The following TBC1D9 variants were observed in gnomAD, a reference collection of about 807,000 sequenced individuals.
TBC1D9 encodes the protein TBC1 domain family member 9A.
In TBC1D9, 63 loss-of-function variants were observed where a neutral mutation model predicts 132.0. The ratio of observed to expected loss-of-function variants is 0.48; its 90% CI spans 0.39 to 0.59. The LOEUF (loss-of-function observed/expected upper bound fraction) is 0.59, where lower values mean the gene tolerates loss of function less well. TBC1D9 is among the 20% of genes least tolerant of loss of function. The pLI, the probability that TBC1D9 is intolerant of heterozygous loss-of-function variation, is 0.00. For missense variants in TBC1D9, 1,261 were observed against 1,592.7 expected, an observed-to-expected ratio of 0.79 and a Z score of 3.54; for synonymous variants, 610 against 609.9, an observed-to-expected ratio of 1.00 and a Z score of 0.00.
rs532657449 is a variant in TBC1D9, at chr4:140,713,161, C to T, written c.131-11547G>A. ...TTACGTTGCCCAGGCTGGTCTACAA[C>T]TCCTGGGCTCAAGGGATCCTCCCAC... On this transcript the variant is annotated intron_variant, in intron 1 of 20. Transcript: ENST00000442267. Among the ~76,000 whole-genome samples, 221 of 152,260 alleles carry T rather than the reference C, an allele frequency of 1.5e-3. 3 individuals carry two copies. Among genetic ancestry groups the T allele is most frequent in the Admixed American group, 2.6e-3 (40 of 15,300 alleles).
At chr4:140,717,678 GAACACAGATCAGGGA>G (rs1238949602) in intron 1 of TBC1D9, among the ~76,000 whole-genome samples, 1 of 152,168 alleles carries the variant, frequency 6.6e-6, no homozygotes, top group Non-Finnish European at 1.5e-5. Flanking sequence ...ATGAAATCTA[GAACACAGATCAGGGA>G]AACAGATTCT....
chr4:140,698,746 G>A (rs7693177), intron 2 of TBC1D9, among the ~76,000 whole-genome samples: 3 of 150,464 alleles, frequency 2.0e-5, no homozygotes, highest in East Asian at 2.0e-4. Flanking sequence ...TCGGGGGTGG[G>A]GGGGGGAAAG....
chr4:140,656,968 C>T, intron 13 of TBC1D9, 129 bp downstream of exon 13: 1 of 1,240,656 alleles, frequency 8.1e-7, no homozygotes, highest in Non-Finnish European at 1.1e-6. Context: ...GTCCCAAAGT[C>T]TAGAACTGAG....
chr4:140,704,435 GAAAAA>G (rs11317574), intron 1 of TBC1D9, among the ~76,000 whole-genome samples: 1 of 113,402 alleles, frequency 8.8e-6, no homozygotes, highest in Non-Finnish European at 1.9e-5. Flanking sequence ...CAAAAAATCA[GAAAAA>G]AAAAAAAAAA....
At chr4:140,737,381 T>C (rs1560900648) in intron 1 of TBC1D9, among the ~76,000 whole-genome samples, 1 of 151,586 alleles carries the variant, frequency 6.6e-6, no homozygotes, top group Non-Finnish European at 1.5e-5. Flanking sequence ...CTCCCTCCAT[T>C]CTCTATCTCT....
rs560926589 is a variant in TBC1D9, at chr4:140,639,253, A to T, written c.2436+77T>A. 58 of 1,475,984 alleles carry T rather than the reference A, an allele frequency of 3.9e-5. No homozygotes were observed. The South Asian group carries it at 6.9e-4, about 17-fold the overall frequency. The allele number at this position is 1,475,984 out of a possible 1,614,324, so 91.4% of individuals were successfully genotyped here. On this transcript the variant is annotated intron_variant, in intron 14 of 20. Transcript: ENST00000442267. ...CTTTCAAATTGTTTTCAGTTCTGTCAGGCAGGAATCCACAGCCAGCAGGAG... is the reference window on the plus strand; with the variant it reads ...CTTTCAAATTGTTTTCAGTTCTGTCTGGCAGGAATCCACAGCCAGCAGGAG...
intron 3 of TBC1D9, 33 bp from the exon 4 acceptor site, chr4:140,679,876 G>A: frequency 6.5e-7 from 1 of 1,542,614 alleles, no homozygotes; most frequent in Non-Finnish European, 8.9e-7. Context: ...GCACACAACT[G>A]GTATTAATAT....
chr4:140,671,715 T>TGTGTGTGTGTGTGC (rs773942104), intron 6 of TBC1D9, among the ~76,000 whole-genome samples: 1 of 145,308 alleles, frequency 6.9e-6, no homozygotes, highest in African/African-American at 2.5e-5. Context: ...TGTGTGTGTG[T>TGTGTGTGTGTGTGC]GCCGAAGCCT....
At position 140,657,191 on chromosome 4, in the gene TBC1D9, A is replaced by G. The variant is rs750752303; in HGVS notation, c.2243T>C (p.Leu748Pro). ...LDSVTNKDST[L>P]PPIPHLHSLL... ...GGAGTGGAGGTGAGGAATGGGAGGC[A>G]GTGTGCTGTCTTTATTGGTCACACT... The change falls in exon 13 of 21, where the codon CTG becomes CCG. Residue 748 changes from leucine to proline, a missense_variant. Physicochemically the swap from Leu to Pro is moderately conservative, Grantham distance 98. Coordinates refer to ENST00000442267, the MANE Select transcript of TBC1D9 (RefSeq NM_015130.3). The G allele has an allele frequency of 4.3e-6, 7 of 1,613,978 alleles. No homozygotes were observed. The highest frequency in any genetic ancestry group is 5.9e-6 in the Non-Finnish European group (7 of 1,179,854).
intron 1 of TBC1D9, among the ~76,000 whole-genome samples, chr4:140,713,994 A>T (rs1738290628): frequency 6.6e-6 from 1 of 152,180 alleles, no homozygotes; most frequent in African/African-American, 2.4e-5. Flanking sequence ...CTTTCTGTAA[A>T]GGTCACTGGC....
intron 13 of TBC1D9, chr4:140,643,602 T>C: frequency 1.1e-6 from 1 of 930,006 alleles, no homozygotes; most frequent in Non-Finnish European, 1.6e-6. Context: ...CAGGCCTTCC[T>C]CCGGCGCTGC....
At chr4:140,687,341 GTCATATATATATATATATATATATATATA>G (rs1737797707) in intron 2 of TBC1D9, among the ~76,000 whole-genome samples, 1 of 91,068 alleles carries the variant, frequency 1.1e-5, no homozygotes, top group East Asian at 4.1e-4. Context: ...GTGTGTGTGT[GTCATATATATATATATATATATATATATA>G]TATATATATA....
chr4:140,636,311 A>G lies in TBC1D9; in HGVS notation c.2506-2123T>C, dbSNP rs573566873. Among the ~76,000 whole-genome samples the G allele has an allele frequency of 1.2e-4, 18 of 152,282 alleles. No individual in the cohort carries two copies. In the East Asian group the frequency reaches 2.7e-3, roughly 23 times the overall value. The stretch of plus-strand genomic sequence containing the variant: ...AACCTTTTCTCCTCAAGTTCTATCC[A>G]AAAGTCTGTGCAGTAAGCTCCTTGG... On this transcript the variant is annotated intron_variant, in intron 15 of 20. Transcript: ENST00000442267.
chr4:140,650,328 C>A (rs1560873525), intron 13 of TBC1D9, among the ~76,000 whole-genome samples: 1 of 152,138 alleles, frequency 6.6e-6, no homozygotes, highest in Non-Finnish European at 1.5e-5. Flanking sequence ...AGAGTTCCAA[C>A]TTCTCTTGAA....
intron 20 of TBC1D9, among the ~76,000 whole-genome samples, chr4:140,623,867 A>G (rs1736663479): frequency 6.6e-6 from 1 of 152,230 alleles, no homozygotes; most frequent in Admixed American, 6.5e-5. Context: ...AATGATTGCA[A>G]TAAGATGCAT....
chr4:140,709,502 TA>T (rs35990752), intron 1 of TBC1D9, among the ~76,000 whole-genome samples: 53,903 of 146,558 alleles, frequency 0.37, 11,435 homozygotes, highest in Non-Finnish European at 0.48. Flanking sequence ...TATGGAATAC[TA>T]AAAAAAAAAA....
At chr4:140,692,381 A>G (rs1737890219) in intron 2 of TBC1D9, among the ~76,000 whole-genome samples, 1 of 152,212 alleles carries the variant, frequency 6.6e-6, no homozygotes, top group Admixed American at 6.5e-5. Context: ...CTTATCCAAT[A>G]TAATCTTAGT....
chr4:140,669,155 C>G (rs1737495681), intron 8 of TBC1D9, 88 bp from the exon 9 acceptor site: 4 of 1,300,376 alleles, frequency 3.1e-6, no homozygotes, highest in Non-Finnish European at 4.3e-6. Context: ...ATGTTCCCTG[C>G]TGAACGGAGT....
chr4:140,632,826 G>C (rs1047659196), intron 16 of TBC1D9, among the ~76,000 whole-genome samples: 2 of 152,152 alleles, frequency 1.3e-5, no homozygotes, highest in African/African-American at 4.8e-5. Context: ...GCAATGCCAG[G>C]CATGCAGTAA....
Sources: gnomAD v4.1 joint callset for allele counts (sites outside exome capture counted in the v4.1 genomes callset) on GRCh38, gnomAD v4.1.1 for gene constraint, MANE v1.5 for transcripts, NCBI Gene and HGNC (gene_info 2026-07-23, HGNC 2026-07-21) for gene names.